PCDH9: variants seen among roughly 807,000 people sequenced by gnomAD.
PCDH9 encodes protocadherin 9, also known as protocadherin-9.
PCDH9 carries 24 observed loss-of-function variants against 70.6 expected under a neutral mutation model. The observed-to-expected ratio is 0.34, with a 90% CI of 0.25 to 0.48. The LOEUF (loss-of-function observed/expected upper bound fraction) is 0.48, where lower values mean the gene tolerates loss of function less well. Among genes scored for constraint, PCDH9 ranks in the 20% least tolerant of loss-of-function variants. PCDH9 has a pLI of 0.99. For synonymous variants in PCDH9, 562 were observed against 558.5 expected (o/e 1.01, Z -0.09); for missense variants, 1,281 against 1,503.6 (o/e 0.85, Z 2.45).
At chr13:66,467,310 T>C (rs1226868656) in intron 4 of PCDH9, among the ~76,000 whole-genome samples, 1 of 152,098 alleles carries the variant, frequency 6.6e-6, no homozygotes, top group Non-Finnish European at 1.5e-5. Context: ...CCCTCAGTCT[T>C]ACTGGTCCTC....
intron 2 of PCDH9, among the ~76,000 whole-genome samples, chr13:67,074,872 A>G (rs889235367): frequency 6.6e-6 from 1 of 152,152 alleles, no homozygotes; most frequent in African/African-American, 2.4e-5. Context: ...ATTGTCCTCA[A>G]TATATATTAG....
rs926029387 is a variant in PCDH9 at position 66,380,692 on chromosome 13, C to A, written c.3341-75664G>T. Among the ~76,000 whole-genome samples, 3 of 151,796 alleles carry A rather than the reference C, an allele frequency of 2.0e-5. No homozygotes were observed. The East Asian group carries it at 5.8e-4, about 30-fold the overall frequency. ...CTGAGTAACTGGGACTACAGGCGCC[C>A]GCCACCACGCCCGGCTAATTTTTTG... is the stretch of plus-strand genomic sequence containing the variant. On this transcript the variant is annotated intron_variant, in intron 4 of 4. Transcript: ENST00000377865.
chr13:66,356,663 C>T (rs1278562444), intron 4 of PCDH9, among the ~76,000 whole-genome samples: 1 of 151,974 alleles, frequency 6.6e-6, no homozygotes, highest in East Asian at 1.9e-4. Flanking sequence ...ACAGTAGGAC[C>T]ATCACAACAA....
intron 2 of PCDH9, among the ~76,000 whole-genome samples, chr13:67,061,472 A>G (rs1279507387): frequency 6.6e-6 from 1 of 152,090 alleles, no homozygotes; most frequent in Non-Finnish European, 1.5e-5. Flanking sequence ...ATTCAAGTGC[A>G]TAGAAGCTAT....
intron 4 of PCDH9, among the ~76,000 whole-genome samples, chr13:66,449,525 C>T (rs1958164253): frequency 6.6e-6 from 1 of 152,158 alleles, no homozygotes; most frequent in South Asian, 2.1e-4. Context: ...TCATTTTCCA[C>T]TGTGTTATGG....
intron 4 of PCDH9, among the ~76,000 whole-genome samples, chr13:66,437,404 C>CAAAAAAAAAA (rs66796123): frequency 0.028 from 1,283 of 45,524 alleles, 152 homozygotes; most frequent in Middle Eastern, 0.077. Context: ...GACTCTGTCT[C>CAAAAAAAAAA]AAAAAAAAAA....
chr13:66,749,641 T>C (rs1255220307), intron 3 of PCDH9, among the ~76,000 whole-genome samples: 2 of 152,146 alleles, frequency 1.3e-5, no homozygotes, highest in Non-Finnish European at 2.9e-5. Context: ...TTAGAAAAAG[T>C]CTCTAACATA....
At chr13:66,849,891 G>A (rs988960348) in intron 3 of PCDH9, among the ~76,000 whole-genome samples, 3 of 152,020 alleles carry the variant, frequency 2.0e-5, no homozygotes, top group South Asian at 2.1e-4. Context: ...TAGCATACAG[G>A]GAATGTCAGG....
At chr13:66,447,683 G>T (rs1958123553) in intron 4 of PCDH9, among the ~76,000 whole-genome samples, 1 of 152,054 alleles carries the variant, frequency 6.6e-6, no homozygotes, top group African/African-American at 2.4e-5. Flanking sequence ...GGTTAGCTAG[G>T]ATAAAGCTAA....
intron 2 of PCDH9, among the ~76,000 whole-genome samples, chr13:67,043,343 T>C (rs2085159386): frequency 6.6e-6 from 1 of 152,076 alleles, no homozygotes; most frequent in African/African-American, 2.4e-5. Context: ...CCAGTTGAAG[T>C]CGATATACGA....
chr13:66,333,795 G>T (rs1428666091), intron 4 of PCDH9, among the ~76,000 whole-genome samples: 1 of 152,092 alleles, frequency 6.6e-6, no homozygotes, highest in East Asian at 1.9e-4. Flanking sequence ...AAATGTATGT[G>T]ACCCTGTGAT....
chr13:66,556,198 G>A (rs1010714926), intron 4 of PCDH9, among the ~76,000 whole-genome samples: 1 of 151,756 alleles, frequency 6.6e-6, no homozygotes, highest in African/African-American at 2.4e-5. Context: ...CAGTAGCACC[G>A]TGTTTTTTGA....
At chr13:67,205,357 T>C (rs1220246839) in intron 2 of PCDH9, 1 of 152,176 alleles carries the variant, frequency 6.6e-6, no homozygotes, top group Non-Finnish European at 1.5e-5. Context: ...TGCTTTTTAA[T>C]TAGAGTAATT....
At chr13:67,095,660 C>G (rs1361896255) in intron 2 of PCDH9, among the ~76,000 whole-genome samples, 4 of 152,036 alleles carry the variant, frequency 2.6e-5, no homozygotes, top group Non-Finnish European at 5.9e-5. Context: ...AATGGAATTC[C>G]TGTTGCAAGG....
chr13:66,862,130 C>T (rs1355919023), intron 3 of PCDH9, among the ~76,000 whole-genome samples: 1 of 152,144 alleles, frequency 6.6e-6, no homozygotes, highest in Non-Finnish European at 1.5e-5. Context: ...GGCTCTGTTA[C>T]CTTTACATTA....
At chr13:66,693,842 AC>A (rs762113705) in intron 3 of PCDH9, among the ~76,000 whole-genome samples, 102 of 152,354 alleles carry the variant, frequency 6.7e-4, no homozygotes, top group Admixed American at 2.8e-3. Context: ...TCTGTAAGAC[AC>A]TTTTGCATGC....
intron 2 of PCDH9, among the ~76,000 whole-genome samples, chr13:67,125,146 G>A (rs991687338): frequency 1.3e-5 from 2 of 152,144 alleles, no homozygotes; most frequent in African/African-American, 2.4e-5. Flanking sequence ...AGAATTTCAT[G>A]CAATAATAGA....
At chr13:66,667,588 A>C (rs971415926) in intron 3 of PCDH9, among the ~76,000 whole-genome samples, 1 of 152,114 alleles carries the variant, frequency 6.6e-6, no homozygotes, top group Non-Finnish European at 1.5e-5. Flanking sequence ...GTGTTTTATT[A>C]CTTAGTAGCT....
chr13:67,115,424 CAGA>C lies in PCDH9; in HGVS notation c.3036+109978_3036+109980del, dbSNP rs1187817687. On this transcript the variant is annotated intron_variant, in intron 2 of 4. Transcript: ENST00000377865. ...ATGTTCTGTGCAACCCACCCAGGAG[CAGA>C]AGGATGAAGGAGCTCTCTGCCTGCT... Among the ~76,000 whole-genome samples, 4 of 152,114 alleles carry C rather than the reference CAGA, an allele frequency of 2.6e-5. No individual in the cohort carries two copies. The East Asian group carries it at 7.7e-4, about 29-fold the overall frequency.
Sources: gnomAD v4.1 joint callset for allele counts (sites outside exome capture counted in the v4.1 genomes callset) on GRCh38, gnomAD v4.1.1 for gene constraint, MANE v1.5 for transcripts, NCBI Gene and HGNC (gene_info 2026-07-23, HGNC 2026-07-21) for gene names.